The following RFPL1 variants were observed in gnomAD, a reference collection of about 807,000 sequenced individuals.
The protein encoded by RFPL1 is ret finger protein like 1, also known as ret finger protein-like 1.
A neutral mutation model predicts 9.6 loss-of-function variants in RFPL1; 6 were observed. The ratio of observed to expected loss-of-function variants is 0.62; its 90% CI spans 0.34 to 1.23. The LOEUF is 1.23. Ranked by LOEUF, RFPL1 falls within the 50% of genes most tolerant of loss-of-function variation. RFPL1 has a pLI of 0.03. For synonymous variants in RFPL1, 145 were observed against 149.4 expected (o/e 0.97, Z 0.22); for missense variants, 352 against 398.4 (o/e 0.88, Z 0.99).
At chr22:29,410,557 T>A in the RFPL1 span, among the ~76,000 whole-genome samples, 6 of 90,504 alleles carry the variant, frequency 6.6e-5, no homozygotes, top group Non-Finnish European at 1.5e-4. Flanking sequence ...AGATATATAT[T>A]GTAGATATAT....
chr22:29,429,686 T>TTAC, the RFPL1 span, among the ~76,000 whole-genome samples: 1 of 152,182 alleles, frequency 6.6e-6, no homozygotes, highest in Non-Finnish European at 1.5e-5. Context: ...AAAAGAAGTC[T>TTAC]TACTGGCCTT....
At chr22:29,432,545 C>A in the RFPL1 span, among the ~76,000 whole-genome samples, 2,420 of 152,218 alleles carry the variant, frequency 0.016, 52 homozygotes, top group African/African-American at 0.056. Flanking sequence ...GTCTCTCGGT[C>A]GCCGGCTAAT....
the RFPL1 span, among the ~76,000 whole-genome samples, chr22:29,408,464 C>G: frequency 6.6e-6 from 1 of 152,228 alleles, no homozygotes; most frequent in Non-Finnish European, 1.5e-5. Context: ...GATTCCTCAG[C>G]AGCACCAATG....
the RFPL1 span, among the ~76,000 whole-genome samples, chr22:29,397,566 G>A: frequency 6.6e-6 from 1 of 152,124 alleles, no homozygotes; most frequent in Non-Finnish European, 1.5e-5. Flanking sequence ...AGAAAACCCA[G>A]GATTGGACCT....
At chr22:29,417,985 G>C in the RFPL1 span, among the ~76,000 whole-genome samples, 1 of 150,566 alleles carries the variant, frequency 6.6e-6, no homozygotes, top group East Asian at 1.9e-4. Context: ...TGTCATCCAG[G>C]CTGGAGTGCA....
the RFPL1 span, among the ~76,000 whole-genome samples, chr22:29,408,715 C>A: frequency 1.3e-5 from 2 of 152,148 alleles, no homozygotes; most frequent in African/African-American, 4.8e-5. Context: ...AGGTTATGAC[C>A]AGCTGAGGCC....
At chr22:29,429,917 A>T in the RFPL1 span, among the ~76,000 whole-genome samples, 1 of 152,188 alleles carries the variant, frequency 6.6e-6, no homozygotes, top group Non-Finnish European at 1.5e-5. Context: ...TCACCCAAGG[A>T]GAGCTCAGGG....
At chr22:29,410,603 A>ATTGTAGATATATATATTG in the RFPL1 span, among the ~76,000 whole-genome samples, 1 of 99,256 alleles carries the variant, frequency 1.0e-5, no homozygotes, top group South Asian at 3.4e-4. Context: ...ATAGATATAT[A>ATTGTAGATATATATATTG]TAGATATATC....
At chr22:29,394,219 G>A in the RFPL1 span, among the ~76,000 whole-genome samples, 2 of 152,144 alleles carry the variant, frequency 1.3e-5, no homozygotes, top group African/African-American at 2.4e-5. Context: ...ACAGAGTTTC[G>A]CTTTTGTTGC....
chr22:29,404,699 A>G, the RFPL1 span, among the ~76,000 whole-genome samples: 1 of 152,192 alleles, frequency 6.6e-6, no homozygotes, highest in Non-Finnish European at 1.5e-5. Context: ...GATAATGAGA[A>G]ATAAAATGGA....
the RFPL1 span, among the ~76,000 whole-genome samples, chr22:29,421,113 C>T: frequency 1.3e-5 from 2 of 152,120 alleles, no homozygotes; most frequent in Non-Finnish European, 2.9e-5. Flanking sequence ...AACTCAAAAC[C>T]AGGTCTGCTA....
the RFPL1 span, among the ~76,000 whole-genome samples, chr22:29,408,045 A>G: frequency 6.6e-6 from 1 of 152,388 alleles, no homozygotes; most frequent in East Asian, 1.9e-4. Context: ...TCTCATTAAA[A>G]TGCACACTTA....
At chr22:29,417,206 C>T in the RFPL1 span, among the ~76,000 whole-genome samples, 1 of 151,936 alleles carries the variant, frequency 6.6e-6, no homozygotes, top group Non-Finnish European at 1.5e-5. Context: ...GCAAAGCCAG[C>T]TCTTTTGAGA....
the RFPL1 span, among the ~76,000 whole-genome samples, chr22:29,412,768 C>A: frequency 2.6e-5 from 4 of 152,080 alleles, no homozygotes; most frequent in African/African-American, 9.7e-5. Context: ...TTCTTCACAG[C>A]CTGTCCAGCC....
the RFPL1 span, among the ~76,000 whole-genome samples, chr22:29,425,472 G>C: frequency 6.6e-6 from 1 of 152,110 alleles, no homozygotes; most frequent in Admixed American, 6.5e-5. Context: ...TGCCTTGCAA[G>C]GAAATTAAAA....
At chr22:29,422,629 G>A in the RFPL1 span, among the ~76,000 whole-genome samples, 115 of 152,100 alleles carry the variant, frequency 7.6e-4, no homozygotes, top group African/African-American at 2.7e-3. Context: ...TGTAATCCCA[G>A]CTATTCCAGA....
chr22:29,390,294 A>G, the RFPL1 span, among the ~76,000 whole-genome samples: 23 of 152,210 alleles, frequency 1.5e-4, no homozygotes, highest in African/African-American at 5.5e-4. Flanking sequence ...CTTACTGCTA[A>G]GTGCACTTAT....
chr22:29,439,834 C>T (rs555083926), intron 1 of RFPL1: 1 of 152,492 alleles, frequency 6.6e-6, no homozygotes, highest in Admixed American at 6.5e-5. Context: ...CAAAGGTTCC[C>T]AGGACTCTGA....
the RFPL1 span, chr22:29,419,353 C>A: frequency 1.4e-5 from 10 of 709,514 alleles, no homozygotes; most frequent in Middle Eastern, 3.0e-4. Flanking sequence ...GAGGGAGGCA[C>A]GTAAGACATC....
Sources: allele counts gnomAD v4.1 joint callset (sites outside exome capture counted in the v4.1 genomes callset), GRCh38; gene constraint gnomAD v4.1.1; transcripts MANE v1.5; gene names NCBI Gene and HGNC (gene_info 2026-07-23, HGNC 2026-07-21).